The following COPG2 variants were observed in gnomAD, a reference collection of about 807,000 sequenced individuals.
COPG2 encodes the protein coat protein complex I subunit gamma 2, also known as coatomer subunit gamma-2.
COPG2 carries 37 observed loss-of-function variants against 46.3 expected under a neutral mutation model. The ratio of observed to expected loss-of-function variants is 0.80; its 90% CI spans 0.61 to 1.05. The LOEUF (loss-of-function observed/expected upper bound fraction) is 1.05. Ranked by LOEUF, COPG2 falls within the 50% of genes least tolerant of loss-of-function variation. The pLI, the probability that COPG2 is intolerant of heterozygous loss-of-function variation, is 0.00. For missense variants in COPG2, 427 were observed against 387.8 expected, an observed-to-expected ratio of 1.10 and a Z score of -0.85; for synonymous variants, 159 against 129.7, an observed-to-expected ratio of 1.23 and a Z score of -1.53.
intron 9 of COPG2, among the ~76,000 whole-genome samples, chr7:130,582,322 C>T (rs1356834164): frequency 2.1e-5 from 3 of 145,728 alleles, no homozygotes; most frequent in Non-Finnish European, 3.0e-5. Flanking sequence ...GGATCCCTTC[C>T]TTACACCTTA....
chr7:130,603,589 T>C (rs151277446), intron 9 of COPG2, among the ~76,000 whole-genome samples: 2,846 of 151,698 alleles, frequency 0.019, 88 homozygotes, highest in African/African-American at 0.065. Context: ...GGTGTGGTGG[T>C]GCGTGCCTGC....
At chr7:130,536,989 G>A (rs1167848958) in intron 20 of COPG2, among the ~76,000 whole-genome samples, 2 of 151,732 alleles carry the variant, frequency 1.3e-5, no homozygotes, top group Admixed American at 1.3e-4. Flanking sequence ...GAGGAGGGAG[G>A]AGGTGGGAGG....
At position 130,538,853 on chromosome 7, in the gene COPG2, A is replaced by T. The variant is rs1039382267; in HGVS notation, c.2149+8821T>A. On this transcript the variant is annotated intron_variant, in intron 20 of 23. Coordinates refer to ENST00000425248, the MANE Select transcript of COPG2 (RefSeq NM_012133.6). ...GGAGGTGTAGCTTGCAACTGAAAAT[A>T]TGCACTACACCACACTTCACTACAG... 3.3e-3 allele frequency among the ~76,000 whole-genome samples: 498 copies of T among 152,234 alleles called. 1 individual carries two copies. Among genetic ancestry groups the T allele is most frequent in the African/African-American group, 0.012 (481 of 41,544 alleles).
At position 130,507,354 on chromosome 7, in the gene COPG2, A is replaced by C. The variant is rs1799513122; in HGVS notation, c.2405T>G (p.Ile802Ser). Residue 802 changes from isoleucine to serine, a missense_variant, in exon 23 of 24, where the codon ATC (isoleucine) becomes AGC (serine). Transcript: ENST00000425248. ...KTLEEAVNNI[I>S]TFLGMQPCER... ...ACATGGCTGCATGCCCAGAAATGTG[A>C]TGATATTGTTGACAGCCTCTGTGTT... 2.6e-6 allele frequency: 2 copies of C among 780,532 alleles called. No individual in the cohort carries two copies. The highest frequency in any genetic ancestry group is 4.8e-6 in the Non-Finnish European group (2 of 417,848). The allele number at this position is 780,532 out of a possible 1,614,324, so 48.4% of individuals were successfully genotyped here.
chr7:130,611,169 C>G, intron 8 of COPG2, 59 bp from the exon 9 acceptor site: 1 of 1,461,072 alleles, frequency 6.8e-7, no homozygotes, highest in Non-Finnish European at 9.4e-7. Context: ...AATATTTACA[C>G]AAAAATAGAA....
intron 8 of COPG2, 98 bp downstream of exon 8, chr7:130,612,054 T>C: frequency 1.2e-6 from 1 of 820,106 alleles, no homozygotes; most frequent in Non-Finnish European, 2.0e-6. Flanking sequence ...AATTTGCCTT[T>C]AGTTAATGTT....
chr7:130,636,716 G>A (rs1795346112), intron 5 of COPG2, among the ~76,000 whole-genome samples: 1 of 152,018 alleles, frequency 6.6e-6, no homozygotes, highest in Admixed American at 6.6e-5. Flanking sequence ...CATTTAGCCA[G>A]TTTACATTTA....
At chr7:130,651,516 T>G (rs1204278709) in intron 5 of COPG2, among the ~76,000 whole-genome samples, 1 of 109,136 alleles carries the variant, frequency 9.2e-6, no homozygotes, top group Non-Finnish European at 1.9e-5. Context: ...TTTTTTTTTT[T>G]TTTTTTTTTT....
intron 17 of COPG2, among the ~76,000 whole-genome samples, 191 bp downstream of exon 17, chr7:130,550,333 C>T (rs1204125727): frequency 4.1e-5 from 6 of 147,250 alleles, no homozygotes; most frequent in African/African-American, 1.6e-4. Context: ...CTCGCTTGAA[C>T]CCGGGAGGTA....
At chr7:130,644,040 T>C (rs1554457719) in intron 5 of COPG2, among the ~76,000 whole-genome samples, 1 of 152,190 alleles carries the variant, frequency 6.6e-6, no homozygotes, top group African/African-American at 2.4e-5. Context: ...ACTTTGGCAG[T>C]TTGGTTAGAG....
At chr7:130,546,704 C>T (rs969082713) in intron 20 of COPG2, 21,177 of 152,152 alleles carry the variant, frequency 0.14, 2,628 homozygotes, top group African/African-American at 0.33. Flanking sequence ...CAGGAACCAA[C>T]ATCTAAGAAG....
intron 20 of COPG2, among the ~76,000 whole-genome samples, chr7:130,520,829 T>C (rs1799717838): frequency 6.6e-6 from 1 of 152,220 alleles, no homozygotes; most frequent in East Asian, 1.9e-4. Context: ...AAACATTCCA[T>C]TGTTCCTTGC....
chr7:130,515,446 C>T (rs1005247748), intron 20 of COPG2, among the ~76,000 whole-genome samples: 16 of 152,172 alleles, frequency 1.1e-4, no homozygotes, highest in African/African-American at 3.9e-4. Flanking sequence ...CCTCATGACC[C>T]AGTCACCTCC....
intron 4 of COPG2, among the ~76,000 whole-genome samples, chr7:130,658,445 T>G (rs1284682934): frequency 1.3e-5 from 2 of 152,152 alleles, no homozygotes; most frequent in Non-Finnish European, 2.9e-5. Context: ...GGAAATGTTC[T>G]AAACCTCAAT....
intron 5 of COPG2, among the ~76,000 whole-genome samples, chr7:130,648,337 T>C (rs1467525338): frequency 6.6e-6 from 1 of 152,190 alleles, no homozygotes; most frequent in Non-Finnish European, 1.5e-5. Context: ...ACTGTGTCAT[T>C]AGGGCTATGT....
chr7:130,667,449 A>T, intron 2 of COPG2, 33 bp downstream of exon 2: 1 of 1,592,870 alleles, frequency 6.3e-7, no homozygotes. Flanking sequence ...ACAGAATAGA[A>T]AAGAAAGGGC....
intron 5 of COPG2, among the ~76,000 whole-genome samples, chr7:130,626,067 G>A (rs1489452818): frequency 6.6e-6 from 1 of 152,084 alleles, no homozygotes; most frequent in Non-Finnish European, 1.5e-5. Flanking sequence ...AGGGTAATTA[G>A]CACATCCATC....
intron 9 of COPG2, among the ~76,000 whole-genome samples, chr7:130,593,842 A>T (rs1794477477): frequency 6.6e-6 from 1 of 152,222 alleles, no homozygotes; most frequent in African/African-American, 2.4e-5. Context: ...TATGGAAAAT[A>T]GTACAGAGGA....
chr7:130,653,323 G>A (rs972033392), intron 4 of COPG2, among the ~76,000 whole-genome samples: 1 of 152,120 alleles, frequency 6.6e-6, no homozygotes. Flanking sequence ...GCGCAATCGT[G>A]GCTCACCACA....
Sources: allele counts gnomAD v4.1 joint callset (sites outside exome capture counted in the v4.1 genomes callset), GRCh38; gene constraint gnomAD v4.1.1; transcripts MANE v1.5; gene names NCBI Gene and HGNC (gene_info 2026-07-23, HGNC 2026-07-21).